DOCK11: variants seen among roughly 807,000 people sequenced by gnomAD.
DOCK11 encodes dedicator of cytokinesis protein 11.
DOCK11 carries 70 observed loss-of-function variants against 169.1 expected under a neutral mutation model. The ratio of observed to expected loss-of-function variants is 0.41; its 90% CI spans 0.34 to 0.51. The LOEUF is 0.51. Ranked by LOEUF, DOCK11 falls within the 20% of genes least tolerant of loss-of-function variation. The probability of loss-of-function intolerance (pLI) is 0.10; values close to 1 mark genes in which losing one functional copy is unlikely to be tolerated. For missense variants in DOCK11, 1,166 were observed against 1,538.8 expected (o/e 0.76, Z 4.05); for synonymous variants, 529 against 541.3 (o/e 0.98, Z 0.32).
At position 118,685,966 on chromosome X, in the gene DOCK11, G is replaced by A. The variant is rs2016849423; in HGVS notation, c.*159G>A. 1.5e-6 allele frequency: 1 copy of A among 674,707 alleles called. No homozygotes were observed. Among genetic ancestry groups the A allele is most frequent in the South Asian group, 4.9e-5 (1 of 20,465 alleles). The allele number at this position is 674,707 out of a possible 1,213,427, so 55.6% of individuals were successfully genotyped here. A position where few individuals can be genotyped will look rare whatever the true frequency, so the allele number is the denominator to read the frequency against. ...AGGGTGCTTACATATTTGTAAATAA[G>A]CAACTTGAAAGTGCCTGGAAAATTG... On this transcript the variant is annotated 3_prime_UTR_variant, in exon 53 of 53. Transcript: ENST00000276202.
intron 1 of DOCK11, among the ~76,000 whole-genome samples, chrX:118,514,232 GC>G (rs201329388): frequency 4.3e-4 from 47 of 108,339 alleles, no homozygotes; most frequent in African/African-American, 1.4e-3. Flanking sequence ...GTTTCCTGAG[GC>G]CCCCCCCATC....
chrX:118,545,360 T>C lies in DOCK11; in HGVS notation c.430T>C (p.Phe144Leu). ...ACCAGAAAAGATTCCTAATCATGTA[T>C]TTGAGATAGATGAAGACTGTGAGAA... ...LRPEKIPNHV[F>L]EIDEDCEKDE... The change falls in exon 5 of 53, where the codon TTT becomes CTT. Residue 144 changes from phenylalanine (F) to leucine (L), a missense_variant. Transcript: ENST00000276202. 1 of 1,203,559 alleles carries C rather than the reference T, an allele frequency of 8.3e-7. No homozygotes were observed. The highest frequency in any genetic ancestry group is 1.1e-6 in the Non-Finnish European group (1 of 891,334).
At chrX:118,672,331 A>G (rs980216649) in intron 46 of DOCK11, among the ~76,000 whole-genome samples, 9 of 112,972 alleles carry the variant, frequency 8.0e-5, no homozygotes, top group African/African-American at 2.2e-4. Context: ...CTCTTAGTCC[A>G]TATCATAATT....
At chrX:118,577,760 T>C (rs2013494390) in intron 12 of DOCK11, among the ~76,000 whole-genome samples, 1 of 111,909 alleles carries the variant, frequency 8.9e-6, no homozygotes, top group Admixed American at 9.5e-5. Flanking sequence ...GAAATCACTA[T>C]ATTAACAAAG....
At chrX:118,594,880 G>A (rs773521591) in intron 20 of DOCK11, among the ~76,000 whole-genome samples, 356 of 110,371 alleles carry the variant, frequency 3.2e-3, no homozygotes, top group African/African-American at 0.011. Context: ...GGGATTATGG[G>A]GTGAAGGAAC....
chrX:118,571,238 A>G (rs1238850880), intron 10 of DOCK11, among the ~76,000 whole-genome samples: 1 of 110,911 alleles, frequency 9.0e-6, no homozygotes, highest in Admixed American at 9.6e-5. Flanking sequence ...CCCATACTGA[A>G]CTCACCATTT....
At chrX:118,615,344 G>A (rs1466412115) in intron 29 of DOCK11, among the ~76,000 whole-genome samples, 1 of 111,991 alleles carries the variant, frequency 8.9e-6, no homozygotes, top group Non-Finnish European at 1.9e-5. Flanking sequence ...GTCTAAGCAG[G>A]CTGACACAGA....
At chrX:118,640,151 C>G (rs929675880) in intron 38 of DOCK11, among the ~76,000 whole-genome samples, 3 of 112,127 alleles carry the variant, frequency 2.7e-5, no homozygotes, top group African/African-American at 9.7e-5. Context: ...GAAGTATTGA[C>G]AAGGCAAATA....
chrX:118,647,107 A>G (rs1374509779), intron 40 of DOCK11, among the ~76,000 whole-genome samples: 1 of 106,566 alleles, frequency 9.4e-6, no homozygotes, highest in Non-Finnish European at 1.9e-5. Flanking sequence ...GCTAAAATGT[A>G]TCTTAACTAT....
intron 19 of DOCK11, among the ~76,000 whole-genome samples, chrX:118,591,388 C>T (rs758262719): frequency 1.8e-5 from 2 of 111,053 alleles, no homozygotes; most frequent in East Asian, 2.9e-4. Flanking sequence ...AGACCTAAAA[C>T]GGACATTAGT....
At chrX:118,618,794 A>T in intron 31 of DOCK11, 66 bp downstream of exon 31, 3 of 934,110 alleles carry the variant, frequency 3.2e-6, no homozygotes, top group Non-Finnish European at 4.3e-6. Context: ...TTTATAGAAG[A>T]TGAAGTTTTT....
chrX:118,502,968 C>T (rs1249217894), intron 1 of DOCK11, among the ~76,000 whole-genome samples: 5 of 110,218 alleles, frequency 4.5e-5, no homozygotes, highest in Non-Finnish European at 9.5e-5. Flanking sequence ...TGTGAAAATA[C>T]ACTGCCAACC....
intron 1 of DOCK11, 65 bp from the exon 2 acceptor site, chrX:118,542,660 A>T: frequency 1.3e-6 from 1 of 794,438 alleles, no homozygotes; most frequent in South Asian, 2.2e-5. Context: ...TATCTTTAGT[A>T]CATAGAAAGT....
intron 42 of DOCK11, 107 bp downstream of exon 42, chrX:118,652,184 G>A (rs2015962349): frequency 1.0e-5 from 5 of 489,579 alleles, no homozygotes; most frequent in East Asian, 7.5e-5. Context: ...TAGAATGTAC[G>A]GAATGTGAGT....
Position 118,627,552 on chromosome X carries a change from G to A in DOCK11, c.3637G>A (p.Gly1213Arg). 8.3e-7 allele frequency: 1 copy of A among 1,209,973 alleles called. No individual in the cohort carries two copies. Among genetic ancestry groups the A allele is most frequent in the Non-Finnish European group, 1.1e-6 (1 of 894,142 alleles). ...TGGCTTTACTTCACCTGCCAATAGA[G>A]GGAGTCTGAGCACTGACAAAGACAC... The part of the protein sequence containing the change: ...PCGFTSPANR[G>R]SLSTDKDTAY... Residue 1213 changes from glycine to arginine, a missense_variant, in exon 33 of 53, where the codon GGG becomes AGG. Coordinates refer to ENST00000276202, the MANE Select transcript of DOCK11 (RefSeq NM_144658.4).
At chrX:118,624,400 A>G (rs2015046387) in intron 31 of DOCK11, 139 bp from the exon 32 acceptor site, 1 of 433,778 alleles carries the variant, frequency 2.3e-6, no homozygotes, top group Admixed American at 3.9e-5. Flanking sequence ...CTATAAGTAT[A>G]AAGAGATTCA....
At chrX:118,645,342 T>A (rs1408293972) in intron 40 of DOCK11, among the ~76,000 whole-genome samples, 1 of 111,600 alleles carries the variant, frequency 9.0e-6, no homozygotes, top group Non-Finnish European at 1.9e-5. Context: ...CTCTTTGCCC[T>A]CATGAAGCGT....
chrX:118,661,455 G>T (rs2016211482), intron 44 of DOCK11, among the ~76,000 whole-genome samples: 1 of 110,441 alleles, frequency 9.1e-6, no homozygotes, highest in Non-Finnish European at 1.9e-5. Context: ...TCAACATGAG[G>T]TCTGATTTTT....
intron 1 of DOCK11, among the ~76,000 whole-genome samples, chrX:118,507,042 G>A (rs2057617658): frequency 8.9e-6 from 1 of 112,492 alleles, no homozygotes; most frequent in Admixed American, 9.4e-5. Context: ...GCACAATCAT[G>A]CCTAAATTTG....
Sources: gnomAD v4.1 joint callset for allele counts (sites outside exome capture counted in the v4.1 genomes callset) on GRCh38, gnomAD v4.1.1 for gene constraint, MANE v1.5 for transcripts, NCBI Gene and HGNC (gene_info 2026-07-23, HGNC 2026-07-21) for gene names.